TAFA4: variants seen among roughly 807,000 people sequenced by gnomAD.
TAFA4 encodes the protein chemokine-like protein TAFA-4.
TAFA4 carries 20 observed loss-of-function variants against 21.1 expected under a neutral mutation model. The observed-to-expected ratio is 0.95, with a 90% CI of 0.67 to 1.38. The LOEUF (loss-of-function observed/expected upper bound fraction) is 1.38, where lower values mean the gene tolerates loss of function less well. Among genes scored for constraint, TAFA4 ranks in the 40% most tolerant of loss-of-function variants. TAFA4 has a pLI of 0.00. For synonymous variants in TAFA4, 71 were observed against 67.4 expected (o/e 1.05, Z -0.26); for missense variants, 211 against 180.9 (o/e 1.17, Z -0.95).
intron 3 of TAFA4, among the ~76,000 whole-genome samples, chr3:68,815,144 A>T (rs1229331115): frequency 1.3e-5 from 2 of 152,228 alleles, no homozygotes; most frequent in African/African-American, 2.4e-5. Flanking sequence ...CCTTCCTTAC[A>T]TCTTATATAA....
chr3:68,765,230 A>G (rs1485110250), intron 3 of TAFA4, among the ~76,000 whole-genome samples: 1 of 152,180 alleles, frequency 6.6e-6, no homozygotes, highest in Non-Finnish European at 1.5e-5. Flanking sequence ...CTTCTACTAA[A>G]TTTGTATGCA....
intron 3 of TAFA4, among the ~76,000 whole-genome samples, chr3:68,813,161 G>A (rs572733144): frequency 6.6e-6 from 1 of 151,890 alleles, no homozygotes; most frequent in Admixed American, 6.6e-5. Context: ...GAATCTCTGG[G>A]ACACATTCAA....
intron 1 of TAFA4, among the ~76,000 whole-genome samples, chr3:68,917,607 A>G (rs2107016040): frequency 6.6e-6 from 1 of 152,042 alleles, no homozygotes; most frequent in Admixed American, 6.5e-5. Context: ...ACAAAAAATT[A>G]GCCGGGCGTG....
intron 3 of TAFA4, among the ~76,000 whole-genome samples, chr3:68,826,510 T>C (rs1033368666): frequency 2.7e-5 from 4 of 150,154 alleles, no homozygotes; most frequent in Admixed American, 6.7e-5. Context: ...GAGGCAGAGC[T>C]TGCAGTGAGC....
chr3:68,748,897 C>T (rs1443456458), intron 4 of TAFA4, among the ~76,000 whole-genome samples: 1 of 152,188 alleles, frequency 6.6e-6, no homozygotes, highest in African/African-American at 2.4e-5. Flanking sequence ...CTTCCTTGTA[C>T]TACACATTTG....
At chr3:68,867,599 T>G (rs2089435283) in intron 3 of TAFA4, among the ~76,000 whole-genome samples, 1 of 151,974 alleles carries the variant, frequency 6.6e-6, no homozygotes. Flanking sequence ...AAAAGACAAA[T>G]CTATCAAAAG....
chr3:68,773,715 T>C (rs1220324218), intron 3 of TAFA4, among the ~76,000 whole-genome samples: 1 of 152,174 alleles, frequency 6.6e-6, no homozygotes, highest in Non-Finnish European at 1.5e-5. Context: ...ACACATTATT[T>C]ATTATGCCAC....
chr3:68,758,868 G>A (rs2106762768), intron 3 of TAFA4, among the ~76,000 whole-genome samples: 1 of 152,258 alleles, frequency 6.6e-6, no homozygotes, highest in African/African-American at 2.4e-5. Context: ...AGAGAAATAG[G>A]ACCAACTGGA....
intron 1 of TAFA4, among the ~76,000 whole-genome samples, chr3:68,909,494 G>A (rs1386384841): frequency 6.6e-6 from 1 of 152,114 alleles, no homozygotes; most frequent in Non-Finnish European, 1.5e-5. Context: ...CCATGAAATA[G>A]GAAACTGTCC....
chr3:68,753,162 A>G (rs1702590986), intron 3 of TAFA4, 144 bp from the exon 4 acceptor site: 1 of 771,742 alleles, frequency 1.3e-6, no homozygotes, highest in South Asian at 2.0e-5. Flanking sequence ...TTGATAACAT[A>G]TTATTTCAAA....
At chr3:68,756,447 G>T (rs1000089089) in intron 3 of TAFA4, among the ~76,000 whole-genome samples, 1 of 152,148 alleles carries the variant, frequency 6.6e-6, no homozygotes, top group Non-Finnish European at 1.5e-5. Context: ...TTAATGCTTT[G>T]CTTGGTTTCT....
intron 3 of TAFA4, among the ~76,000 whole-genome samples, chr3:68,814,125 G>A (rs550317602): frequency 2.2e-4 from 33 of 152,088 alleles, no homozygotes; most frequent in African/African-American, 3.4e-4. Context: ...AACCCTTCAC[G>A]CTAAAAACTC....
At chr3:68,893,544 A>T (rs1030707760) in intron 1 of TAFA4, among the ~76,000 whole-genome samples, 1 of 152,194 alleles carries the variant, frequency 6.6e-6, no homozygotes, top group Non-Finnish European at 1.5e-5. Context: ...CTCATCTGTA[A>T]ACAAATACAG....
At chr3:68,767,821 G>T (rs935395192) in intron 3 of TAFA4, among the ~76,000 whole-genome samples, 3 of 151,462 alleles carry the variant, frequency 2.0e-5, no homozygotes, top group Admixed American at 6.6e-5. Context: ...ACATACATAT[G>T]TGCACACACA....
intron 3 of TAFA4, among the ~76,000 whole-genome samples, chr3:68,753,738 T>G (rs1158707764): frequency 3.3e-5 from 5 of 152,166 alleles, no homozygotes; most frequent in Non-Finnish European, 7.3e-5. Context: ...GAGCTCCAGG[T>G]GCCATTGCTG....
rs147092452 is a variant in TAFA4, at chr3:68,869,046, A to T, written c.130+11684T>A. Among the ~76,000 whole-genome samples the T allele has an allele frequency of 1.1e-4, 16 of 152,152 alleles. No individual in the cohort carries two copies. In the East Asian group the frequency reaches 3.1e-3, roughly 29 times the overall value. ...GAAAGAAAAAAAAGAACACATAACA[A>T]CTGATACCACAGAAATTCAATGGAT... On this transcript the variant is annotated intron_variant, in intron 3 of 5. Coordinates refer to ENST00000295569, the MANE Select transcript of TAFA4 (RefSeq NM_182522.5).
chr3:68,733,267 T>A (rs1702183893), intron 5 of TAFA4, 114 bp from the exon 6 acceptor site: 1 of 1,358,852 alleles, frequency 7.4e-7, no homozygotes, highest in African/African-American at 1.5e-5. Flanking sequence ...GTTTGTACAT[T>A]TACCTATAAC....
intron 1 of TAFA4, among the ~76,000 whole-genome samples, chr3:68,889,064 C>T (rs1175564886): frequency 6.6e-6 from 1 of 152,190 alleles, no homozygotes; most frequent in African/African-American, 2.4e-5. Flanking sequence ...TCCTTTCTAT[C>T]AGTCTGCTTC....
At chr3:68,873,164 G>C (rs2089503086) in intron 3 of TAFA4, among the ~76,000 whole-genome samples, 1 of 152,000 alleles carries the variant, frequency 6.6e-6, no homozygotes, top group Non-Finnish European at 1.5e-5. Flanking sequence ...CACCTATGAG[G>C]CATGCATCAG....
Sources: allele counts gnomAD v4.1 joint callset (sites outside exome capture counted in the v4.1 genomes callset), GRCh38; gene constraint gnomAD v4.1.1; transcripts MANE v1.5; gene names NCBI Gene and HGNC (gene_info 2026-07-23, HGNC 2026-07-21).